Variants in GDI2 observed in about 807,000 individuals in gnomAD.
The protein encoded by GDI2 is rab GDP dissociation inhibitor beta.
GDI2 carries 22 observed loss-of-function variants against 54.2 expected under a neutral mutation model. The ratio of observed to expected loss-of-function variants is 0.41; its 90% confidence interval spans 0.29 to 0.58. The LOEUF is 0.58. Among genes scored for constraint, GDI2 ranks in the 20% least tolerant of loss-of-function variants. The pLI is 0.35. For synonymous variants in GDI2, 177 were observed against 182.1 expected, an observed-to-expected ratio of 0.97 and a Z score of 0.23; for missense variants, 422 against 546.0, an observed-to-expected ratio of 0.77 and a Z score of 2.26.
chr10:5,777,804 T>C (rs1278746488), intron 6 of GDI2, among the ~76,000 whole-genome samples: 19 of 152,230 alleles, frequency 1.2e-4, no homozygotes, highest in Non-Finnish European at 2.8e-4. Context: ...CAAAGGATTA[T>C]AAATCATGCT....
chr10:5,802,555 C>T (rs1292762229), intron 1 of GDI2, among the ~76,000 whole-genome samples: 1 of 151,330 alleles, frequency 6.6e-6, no homozygotes, highest in African/African-American at 2.4e-5. Flanking sequence ...GCCGAGATCG[C>T]GCCACTGCAC....
At chr10:5,796,006 A>G (rs1379990927) in intron 3 of GDI2, among the ~76,000 whole-genome samples, 2 of 152,182 alleles carry the variant, frequency 1.3e-5, no homozygotes, top group Non-Finnish European at 2.9e-5. Flanking sequence ...ATGTGCACAA[A>G]CAGACCTATA....
intron 4 of GDI2, among the ~76,000 whole-genome samples, chr10:5,791,953 T>C (rs370482160): frequency 2.6e-5 from 4 of 152,084 alleles, no homozygotes; most frequent in African/African-American, 9.6e-5. Context: ...TGGGATACTG[T>C]CTCTGGTCTG....
intron 6 of GDI2, among the ~76,000 whole-genome samples, chr10:5,775,314 G>A (rs1588969216): frequency 6.6e-6 from 1 of 152,162 alleles, no homozygotes; most frequent in South Asian, 2.1e-4. Flanking sequence ...AAAGTGGGGG[G>A]AAAGGCAGCA....
intron 2 of GDI2, among the ~76,000 whole-genome samples, chr10:5,799,891 A>G (rs1841229652): frequency 6.6e-6 from 1 of 152,250 alleles, no homozygotes; most frequent in South Asian, 2.1e-4. Flanking sequence ...CATGAAAAAA[A>G]TACAGCAAAC....
chr10:5,795,288 T>C (rs1445951147), intron 3 of GDI2, among the ~76,000 whole-genome samples: 1 of 152,194 alleles, frequency 6.6e-6, no homozygotes, highest in African/African-American at 2.4e-5. Flanking sequence ...GGCTAATTTT[T>C]TTTTGTATTG....
intron 4 of GDI2, among the ~76,000 whole-genome samples, chr10:5,789,666 T>C (rs1303746305): frequency 6.6e-6 from 1 of 152,214 alleles, no homozygotes; most frequent in Non-Finnish European, 1.5e-5. Context: ...AAGTTATGTA[T>C]GTCATGAATG....
chr10:5,769,685 T>A (rs1208232207), intron 7 of GDI2, among the ~76,000 whole-genome samples: 1 of 151,826 alleles, frequency 6.6e-6, no homozygotes, highest in Non-Finnish European at 1.5e-5. Context: ...ATAACTTCAG[T>A]GAGCTACTAC....
intron 6 of GDI2, among the ~76,000 whole-genome samples, chr10:5,779,449 A>C (rs1228613921): frequency 6.6e-6 from 1 of 151,864 alleles, no homozygotes; most frequent in African/African-American, 2.4e-5. Flanking sequence ...CAGAGGTTGC[A>C]GTGAGCTGAG....
intron 6 of GDI2, among the ~76,000 whole-genome samples, chr10:5,780,714 A>G (rs1477649622): frequency 1.3e-5 from 2 of 152,234 alleles, no homozygotes; most frequent in African/African-American, 4.8e-5. Flanking sequence ...AGATTGAACA[A>G]AAATGTGATA....
chr10:5,804,295 T>G (rs1039842326), intron 1 of GDI2, among the ~76,000 whole-genome samples: 1 of 152,170 alleles, frequency 6.6e-6, no homozygotes, highest in Admixed American at 6.5e-5. Flanking sequence ...GGTTTCACCG[T>G]GTTGGCCAGG....
chr10:5,805,221 T>C (rs899711821), intron 1 of GDI2, among the ~76,000 whole-genome samples: 5 of 152,100 alleles, frequency 3.3e-5, no homozygotes, highest in Admixed American at 3.3e-4. Flanking sequence ...GCCAACTTGT[T>C]AGAAATGTAA....
In GDI2 at chr10:5,768,539, A is replaced by C; in HGVS notation, c.820-155T>G. 1.7e-6 allele frequency: 1 copy of C among 599,378 alleles called. No homozygotes were observed. Among genetic ancestry groups the C allele is most frequent in the Non-Finnish European group, 2.9e-6 (1 of 339,420 alleles). 37.1% of individuals were successfully genotyped at this position (599,378 alleles called of 1,614,324 possible). On this transcript the variant is annotated intron_variant, in intron 7 of 10. Coordinates refer to ENST00000380191, the MANE Select transcript of GDI2 (RefSeq NM_001494.4). The surrounding 1 kb of genome is among the most constrained non-coding windows in gnomAD (Gnocchi z 4.4). ...AAGGGATTGAATTCTGGAACAACCA[A>C]AACAATCTTAAAAGAAGAACAGCAA...
chr10:5,766,140 G>A lies in GDI2; in HGVS notation c.1204C>T (p.Arg402Cys), dbSNP rs745900996. ...LGTESQIFIS[R>C]TYDATTHFET... is the part of the protein sequence containing the mutation. ...AAATGAGTGGTGGCATCATATGTGC[G>A]GGAAATAAAGATCTGAAAACAAAAA... The change falls in exon 11 of 11, where the codon CGC becomes TGC. Residue 402 changes from arginine (R) to cysteine (C), a missense_variant. Transcript: ENST00000380191. The surrounding 1 kb of genome is among the most constrained non-coding windows in gnomAD (Gnocchi z 5.8). 8.1e-6 allele frequency: 13 copies of A among 1,613,402 alleles called. No homozygotes were observed. The East Asian group carries it at 8.9e-5, about 11-fold the overall frequency.
chr10:5,766,726 T>A lies in GDI2; in HGVS notation c.992-88A>T. On this transcript the variant is annotated intron_variant, in intron 8 of 10. Transcript: ENST00000380191. The surrounding 1 kb of genome is among the most constrained non-coding windows in gnomAD (Gnocchi z 5.8). ...GGTATCACCCATATGTCATGAGGTG[T>A]GAGTTAAAATTACTCTCAATAGGCA... 1 of 1,032,470 alleles carries A rather than the reference T, an allele frequency of 9.7e-7. No homozygotes were observed. Among genetic ancestry groups the A allele is most frequent in the Non-Finnish European group, 1.5e-6 (1 of 676,842 alleles). 64.0% of individuals were successfully genotyped at this position (1,032,470 alleles called of 1,614,324 possible).
intron 1 of GDI2, among the ~76,000 whole-genome samples, chr10:5,810,307 TG>T (rs1210644865): frequency 2.0e-5 from 3 of 152,188 alleles, no homozygotes; most frequent in Non-Finnish European, 4.4e-5. Context: ...AAAAAACCTC[TG>T]GGAAGCACAA....
rs546635821 is a variant in GDI2, at chr10:5,767,381, A to G, written c.992-743T>C. On this transcript the variant is annotated intron_variant, in intron 8 of 10. Coordinates refer to ENST00000380191, the MANE Select transcript of GDI2 (RefSeq NM_001494.4). ...AGGTTGGAGACAGGGATGCAATCAC[A>G]GCTTACAGTAACCTCAAACTCCTGA... is the stretch of plus-strand genomic sequence containing the variant. 1.5e-3 allele frequency among the ~76,000 whole-genome samples: 229 copies of G among 152,152 alleles called. 1 individual carries two copies. Among genetic ancestry groups the G allele is most frequent in the African/African-American group, 5.2e-3 (215 of 41,520 alleles).
chr10:5,810,752 A>G (rs1048278492), intron 1 of GDI2, among the ~76,000 whole-genome samples: 2 of 152,266 alleles, frequency 1.3e-5, no homozygotes, highest in African/African-American at 4.8e-5. Flanking sequence ...TTAGTTCCTC[A>G]GAAAATTCAA....
Position 5,813,338 on chromosome 10 carries a change from G to A in GDI2, c.-80C>T, listed in dbSNP as rs565089905. 2.5e-5 allele frequency: 26 copies of A among 1,037,198 alleles called. No homozygotes were observed. In the African/African-American group the frequency reaches 3.7e-4, roughly 15 times the overall value. The allele number at this position is 1,037,198 out of a possible 1,614,324, so 64.2% of individuals were successfully genotyped here. On this transcript the variant is annotated 5_prime_UTR_variant, in exon 1 of 11. Transcript: ENST00000380191. The stretch of plus-strand genomic sequence containing the variant: ...TGACCACCCTACGAGGCTGGGAGGC[G>A]CTCTTGGGCGCGAAGGAAAGGGGAA...
Sources: gnomAD v4.1 joint callset for allele counts (sites outside exome capture counted in the v4.1 genomes callset) on GRCh38, gnomAD v4.1.1 for gene constraint, Gnocchi (gnomAD v3.1) non-coding constraint, MANE v1.5 for transcripts, NCBI Gene and HGNC (gene_info 2026-07-23, HGNC 2026-07-21) for gene names.